The following SHTN1 variants were observed in gnomAD, a reference collection of about 807,000 sequenced individuals.
The protein encoded by SHTN1 is shootin-1.
SHTN1 carries 42 observed loss-of-function variants against 83.1 expected under a neutral mutation model. The observed-to-expected ratio is 0.51, with a 90% CI of 0.39 to 0.65. The LOEUF (loss-of-function observed/expected upper bound fraction) is 0.65. Ranked by LOEUF, SHTN1 falls within the 30% of genes least tolerant of loss-of-function variation. The pLI is 0.00. For missense variants in SHTN1, 622 were observed against 737.8 expected, an observed-to-expected ratio of 0.84 and a Z score of 1.82; for synonymous variants, 224 against 247.7, an observed-to-expected ratio of 0.90 and a Z score of 0.90.
chr10:116,961,599 G>A (rs1850187580), intron 3 of SHTN1, among the ~76,000 whole-genome samples: 1 of 152,180 alleles, frequency 6.6e-6, no homozygotes, highest in Admixed American at 6.5e-5. Context: ...GCTGCTGATG[G>A]CATTGACTTC....
chr10:117,026,093 G>A (rs186890393), intron 2 of SHTN1, among the ~76,000 whole-genome samples: 3 of 151,300 alleles, frequency 2.0e-5, no homozygotes, highest in Non-Finnish European at 1.5e-5. Context: ...CCACAGGGAG[G>A]TAGAGCACCA....
At chr10:117,056,998 G>C (rs1306183763) in intron 1 of SHTN1, among the ~76,000 whole-genome samples, 1 of 152,266 alleles carries the variant, frequency 6.6e-6, no homozygotes, top group Middle Eastern at 3.4e-3. Context: ...ATTCAGCATA[G>C]TACTGGAAGT....
In SHTN1 at chr10:116,886,684, C is replaced by CAT. The variant is rs1168585079; in HGVS notation, c.1674-120_1674-119dup. ...AAATGTTCTAAGTCTAATCAACATGCATATAGTAGTCTTTGAGATGCCAGC... is the reference window on the plus strand; with the variant it reads ...AAATGTTCTAAGTCTAATCAACATGCATATATAGTAGTCTTTGAGATGCCAGC... On this transcript the variant is annotated intron_variant, in intron 16 of 16. Transcript: ENST00000355371. 6 of 1,349,896 alleles carry CAT rather than the reference C, an allele frequency of 4.4e-6. No individual in the cohort carries two copies. In the African/African-American group the frequency reaches 8.7e-5, roughly 20 times the overall value. The allele number at this position is 1,349,896 out of a possible 1,614,324, so 83.6% of individuals were successfully genotyped here. A position where few individuals can be genotyped will look rare whatever the true frequency, so the allele number is the denominator to read the frequency against.
chr10:117,020,133 G>C (rs1234381215), intron 2 of SHTN1, among the ~76,000 whole-genome samples: 4 of 152,016 alleles, frequency 2.6e-5, no homozygotes, highest in Admixed American at 6.6e-5. Context: ...AGGAATTGAA[G>C]ACTTAAACTA....
At chr10:116,899,530 TGTGTGTGTGTGTGTGTGAGA>T (rs1178414712) in intron 16 of SHTN1, among the ~76,000 whole-genome samples, 15 of 87,034 alleles carry the variant, frequency 1.7e-4, no homozygotes, top group Non-Finnish European at 4.1e-4. Context: ...TGTGTGTGTG[TGTGTGTGTGTGTGTGTGAGA>T]GAGTGCATGC....
At chr10:116,934,351 G>A (rs11598817) in intron 9 of SHTN1, among the ~76,000 whole-genome samples, 91,730 of 152,034 alleles carry the variant, frequency 0.6, 30,301 homozygotes, top group Middle Eastern at 0.76. Flanking sequence ...TAAGATTTAC[G>A]TAAGGAAGAG....
intron 1 of SHTN1, among the ~76,000 whole-genome samples, chr10:117,104,303 ATAAC>A (rs1853643134): frequency 1.3e-5 from 2 of 152,202 alleles, no homozygotes; most frequent in African/African-American, 4.8e-5. Context: ...AAGCATGCTA[ATAAC>A]TAAGAATTCT....
chr10:117,089,153 G>C (rs1242466695), intron 1 of SHTN1, among the ~76,000 whole-genome samples: 1 of 152,208 alleles, frequency 6.6e-6, no homozygotes, highest in African/African-American at 2.4e-5. Flanking sequence ...AGTGGCTGTT[G>C]AGGGTAGGAG....
chr10:116,906,819 A>C, intron 14 of SHTN1, 72 bp from the exon 15 acceptor site: 2 of 1,221,348 alleles, frequency 1.6e-6, no homozygotes, highest in South Asian at 3.9e-5. Context: ...ATAAAAATCA[A>C]ACCATGAAAA....
chr10:117,088,990 T>C (rs1366679586), intron 1 of SHTN1, among the ~76,000 whole-genome samples: 1 of 152,202 alleles, frequency 6.6e-6, no homozygotes, highest in East Asian at 1.9e-4. Context: ...CACATTATTA[T>C]TGAGTGCTGG....
intron 1 of SHTN1, among the ~76,000 whole-genome samples, chr10:117,004,280 T>C (rs901727489): frequency 6.6e-6 from 1 of 152,142 alleles, no homozygotes. Flanking sequence ...CATTTGGTTG[T>C]TGATCTGGTT....
intron 2 of SHTN1, among the ~76,000 whole-genome samples, chr10:117,042,955 C>A (rs1852607777): frequency 1.3e-5 from 2 of 152,050 alleles, no homozygotes; most frequent in African/African-American, 4.8e-5. Context: ...TTAATAAACA[C>A]AAATATTTAA....
At chr10:116,942,438 C>A (rs1035945962) in intron 8 of SHTN1, among the ~76,000 whole-genome samples, 1 of 152,050 alleles carries the variant, frequency 6.6e-6, no homozygotes, top group African/African-American at 2.4e-5. Flanking sequence ...GTCTTGAACT[C>A]CTGGCCTCAA....
chr10:116,985,779 T>C lies in SHTN1; in HGVS notation c.59-6471A>G, dbSNP rs1321574809. ...ACTCAGGGAGTTTTGAGATACCTCTTACTAATGGGAAATGAGGACATGAGT... is the reference window on the plus strand; with the variant it reads ...ACTCAGGGAGTTTTGAGATACCTCTCACTAATGGGAAATGAGGACATGAGT... On this transcript the variant is annotated intron_variant, in intron 1 of 16. Coordinates refer to ENST00000355371, the MANE Select transcript of SHTN1 (RefSeq NM_001127211.3). Among the ~76,000 whole-genome samples, 5 of 152,354 alleles carry C rather than the reference T, an allele frequency of 3.3e-5. No individual in the cohort carries two copies. The South Asian group carries it at 1.0e-3, about 32-fold the overall frequency.
rs753400642 is a variant in SHTN1 at position 116,915,368 on chromosome 10, T to G, written c.1305+7A>C. The G allele has an allele frequency of 1.4e-5, 20 of 1,431,772 alleles. No homozygotes were observed. The highest frequency in any genetic ancestry group is 2.0e-5 in the Non-Finnish European group (20 of 1,014,830). 88.7% of individuals were successfully genotyped at this position (1,431,772 alleles called of 1,614,324 possible). A position where few individuals can be genotyped will look rare whatever the true frequency, so the allele number is the denominator to read the frequency against. ...AACAGGGAAAAAAGCATTCAGTCAC[T>G]CCATACCTTTGTCTTCGGTCTGGCT... On this transcript the variant is annotated splice_region_variant and intron_variant, in intron 13 of 16. Coordinates refer to ENST00000355371, the MANE Select transcript of SHTN1 (RefSeq NM_001127211.3).
chr10:117,029,857 T>TCTCC (rs1190280438), intron 2 of SHTN1, among the ~76,000 whole-genome samples: 17 of 150,574 alleles, frequency 1.1e-4, no homozygotes, highest in Admixed American at 1.3e-4. Context: ...TCTCTCTCTC[T>TCTCC]CTCCCTCCCT....
At chr10:117,082,492 C>T (rs1008542675) in intron 1 of SHTN1, among the ~76,000 whole-genome samples, 5 of 151,656 alleles carry the variant, frequency 3.3e-5, no homozygotes, top group Middle Eastern at 3.4e-3. Flanking sequence ...TGGTGTGGTG[C>T]TGAAAAAAAT....
At chr10:117,030,819 A>C (rs1589903257) in intron 2 of SHTN1, among the ~76,000 whole-genome samples, 1 of 152,206 alleles carries the variant, frequency 6.6e-6, no homozygotes, top group East Asian at 1.9e-4. Context: ...AGGAGATAAA[A>C]GGAAAAAGAA....
intron 1 of SHTN1, among the ~76,000 whole-genome samples, chr10:117,063,608 T>C (rs984863020): frequency 1.3e-5 from 2 of 152,168 alleles, no homozygotes; most frequent in Non-Finnish European, 2.9e-5. Flanking sequence ...TAGCTTCCTA[T>C]TGCTCTTGAG....
Sources: gnomAD v4.1 joint callset for allele counts (sites outside exome capture counted in the v4.1 genomes callset) on GRCh38, gnomAD v4.1.1 for gene constraint, MANE v1.5 for transcripts, NCBI Gene and HGNC (gene_info 2026-07-23, HGNC 2026-07-21) for gene names.